LRP1B: variants seen among roughly 807,000 people sequenced by gnomAD.
LRP1B encodes low-density lipoprotein receptor-related protein 1B.
Under a neutral mutation model 556.6 loss-of-function variants are expected in LRP1B, and 217 were observed. The observed-to-expected ratio is 0.39, with a 90% CI of 0.35 to 0.44. The LOEUF (loss-of-function observed/expected upper bound fraction) is 0.44. Ranked by LOEUF, LRP1B falls within the 20% of genes least tolerant of loss-of-function variation. The pLI is 1.00. For synonymous variants in LRP1B, 2,047 were observed against 1,865.8 expected, an observed-to-expected ratio of 1.10 and a Z score of -2.50; for missense variants, 5,053 against 5,620.8, an observed-to-expected ratio of 0.90 and a Z score of 3.23.
intron 1 of LRP1B, among the ~76,000 whole-genome samples, chr2:141,815,487 T>C (rs536105714): frequency 3.5e-4 from 53 of 152,086 alleles, no homozygotes; most frequent in African/African-American, 1.2e-3. Flanking sequence ...AATGCACCAA[T>C]CAGCACTCTG....
chr2:140,709,451 G>A (rs752777757), intron 37 of LRP1B, among the ~76,000 whole-genome samples: 212 of 117,724 alleles, frequency 1.8e-3, no homozygotes, highest in African/African-American at 5.5e-3. Flanking sequence ...GGAGCAGGAG[G>A]AAGAAGAAGA....
intron 18 of LRP1B, among the ~76,000 whole-genome samples, chr2:140,952,714 C>T (rs1269244129): frequency 6.6e-6 from 1 of 152,024 alleles, no homozygotes; most frequent in Non-Finnish European, 1.5e-5. Context: ...AAAGACAACA[C>T]TGTCATAATA....
chr2:141,534,556 G>A (rs1192509097), intron 2 of LRP1B, among the ~76,000 whole-genome samples: 1 of 152,034 alleles, frequency 6.6e-6, no homozygotes, highest in Admixed American at 6.6e-5. Context: ...CACTCCTGAG[G>A]TCTAAATAAG....
At chr2:141,206,366 G>A (rs1180513165) in intron 6 of LRP1B, among the ~76,000 whole-genome samples, 9 of 152,074 alleles carry the variant, frequency 5.9e-5, no homozygotes, top group Admixed American at 2.0e-4. Context: ...CAGATCATGA[G>A]GTCAGCAGAT....
At chr2:142,117,517 G>T (rs1483746412) in intron 1 of LRP1B, among the ~76,000 whole-genome samples, 2 of 151,964 alleles carry the variant, frequency 1.3e-5, no homozygotes, top group Admixed American at 1.3e-4. Flanking sequence ...GCAACTCAGG[G>T]GTTGCATAGT....
chr2:141,042,483 T>C (rs1698730741), intron 11 of LRP1B, among the ~76,000 whole-genome samples: 1 of 152,112 alleles, frequency 6.6e-6, no homozygotes, highest in Admixed American at 6.6e-5. Flanking sequence ...AAGTTTCATG[T>C]CTCCTGCCAG....
chr2:141,399,819 A>T (rs1690384443), intron 3 of LRP1B, among the ~76,000 whole-genome samples: 1 of 152,202 alleles, frequency 6.6e-6, no homozygotes, highest in South Asian at 2.1e-4. Context: ...CAGAATCTAC[A>T]ATGTTCTACT....
intron 2 of LRP1B, among the ~76,000 whole-genome samples, chr2:141,801,952 C>T (rs1015371585): frequency 4.6e-5 from 7 of 152,034 alleles, no homozygotes; most frequent in African/African-American, 1.7e-4. Flanking sequence ...AAATACCATA[C>T]ACTAGATGGC....
intron 43 of LRP1B, among the ~76,000 whole-genome samples, chr2:140,566,772 C>A (rs772342732): frequency 6.6e-6 from 1 of 152,128 alleles, no homozygotes; most frequent in South Asian, 2.1e-4. Context: ...AGTATCACAC[C>A]TCCTGGGAAA....
chr2:140,992,285 T>G (rs1311456783), intron 16 of LRP1B, among the ~76,000 whole-genome samples: 5 of 151,198 alleles, frequency 3.3e-5, no homozygotes, highest in Non-Finnish European at 5.9e-5. Flanking sequence ...GATTGAAGAG[T>G]GATGATAATA....
intron 2 of LRP1B, among the ~76,000 whole-genome samples, chr2:141,521,088 T>C (rs1214558513): frequency 1.3e-5 from 2 of 152,018 alleles, no homozygotes; most frequent in East Asian, 3.9e-4. Flanking sequence ...AAAATACATA[T>C]ATCAGTGAAA....
intron 35 of LRP1B, among the ~76,000 whole-genome samples, chr2:140,754,767 TA>T (rs1286395542): frequency 7.1e-5 from 8 of 112,832 alleles, no homozygotes; most frequent in Non-Finnish European, 1.1e-4. Flanking sequence ...GCTTAAGAAC[TA>T]GAAAAAAAAA....
At chr2:141,562,201 T>G (rs1483148) in intron 2 of LRP1B, among the ~76,000 whole-genome samples, 47,445 of 151,802 alleles carry the variant, frequency 0.31, 7,750 homozygotes, top group South Asian at 0.45. Flanking sequence ...TAAGCTGACC[T>G]AGAGAATTCA....
intron 3 of LRP1B, among the ~76,000 whole-genome samples, chr2:141,379,834 C>A (rs895440089): frequency 1.3e-5 from 2 of 152,028 alleles, no homozygotes; most frequent in Non-Finnish European, 2.9e-5. Context: ...ACAGAATGAG[C>A]AAGCAATAAA....
At chr2:140,637,596 A>G (rs1218488761) in intron 41 of LRP1B, among the ~76,000 whole-genome samples, 1 of 152,022 alleles carries the variant, frequency 6.6e-6, no homozygotes, top group Non-Finnish European at 1.5e-5. Flanking sequence ...TAAATTGGCT[A>G]TATATAACTC....
At chr2:140,306,023 A>C (rs2105017609) in intron 83 of LRP1B, among the ~76,000 whole-genome samples, 1 of 147,034 alleles carries the variant, frequency 6.8e-6, no homozygotes, top group African/African-American at 2.5e-5. Context: ...ATGGTGGATA[A>C]GCTTTTTGAT....
intron 25 of LRP1B, among the ~76,000 whole-genome samples, chr2:140,880,288 T>C (rs1470191778): frequency 1.3e-5 from 2 of 152,184 alleles, no homozygotes; most frequent in Non-Finnish European, 2.9e-5. Flanking sequence ...AGTGAGTACC[T>C]TGTAGATTCT....
At chr2:142,029,942 C>T (rs559363240) in intron 1 of LRP1B, among the ~76,000 whole-genome samples, 2 of 151,570 alleles carry the variant, frequency 1.3e-5, no homozygotes, top group African/African-American at 2.4e-5. Flanking sequence ...CATCATTACT[C>T]AAACTTGCTG....
At chr2:141,413,102 C>T (rs1690916270) in intron 3 of LRP1B, among the ~76,000 whole-genome samples, 2 of 152,066 alleles carry the variant, frequency 1.3e-5, no homozygotes, top group Admixed American at 6.6e-5. Flanking sequence ...TGGTGCACAC[C>T]CATAGGACTA....
Sources: allele counts gnomAD v4.1 joint callset (sites outside exome capture counted in the v4.1 genomes callset), GRCh38; gene constraint gnomAD v4.1.1; transcripts MANE v1.5; gene names NCBI Gene and HGNC (gene_info 2026-07-23, HGNC 2026-07-21).